The following PPAT variants were observed in gnomAD, a reference collection of about 807,000 sequenced individuals.
PPAT encodes the protein phosphoribosyl pyrophosphate amidotransferase.
Under a neutral mutation model 60.2 loss-of-function variants are expected in PPAT, and 20 were observed. That is an observed-to-expected ratio of 0.33 (90% CI 0.23 to 0.48). The LOEUF (loss-of-function observed/expected upper bound fraction) is 0.48, where lower values mean the gene tolerates loss of function less well. Ranked by LOEUF, PPAT falls within the 20% of genes least tolerant of loss-of-function variation. The pLI, the probability that PPAT is intolerant of heterozygous loss-of-function variation, is 0.99. For missense variants in PPAT, 349 were observed against 629.6 expected (o/e 0.55, Z 4.77); for synonymous variants, 194 against 215.1 (o/e 0.90, Z 0.86).
Position 56,395,232 on chromosome 4 carries a change from A to T in PPAT, c.*120T>A. 1 of 945,514 alleles carries T rather than the reference A, an allele frequency of 1.1e-6. No homozygotes were observed. The allele number at this position is 945,514 out of a possible 1,614,324, so 58.6% of individuals were successfully genotyped here. ...AAAAAAAAAAAATCTCAAAACTTAT[A>T]AACATAAGCATGGCATTTTACATTG... On this transcript the variant is annotated 3_prime_UTR_variant, in exon 11 of 11. Coordinates refer to ENST00000264220, the MANE Select transcript of PPAT (RefSeq NM_002703.5).
rs923372902 is a variant in PPAT at position 56,396,922 on chromosome 4, T to G, written c.1237-183A>C. The G allele has an allele frequency of 2.1e-6, 1 of 474,242 alleles. No individual in the cohort carries two copies. The highest frequency in any genetic ancestry group is 3.5e-6 in the Non-Finnish European group (1 of 284,432). The allele number at this position is 474,242 out of a possible 1,614,324, so 29.4% of individuals were successfully genotyped here. A position where few individuals can be genotyped will look rare whatever the true frequency, so the allele number is the denominator to read the frequency against. ...TCACCTAATCATGAGGAAGTTTCTT[T>G]GTCTAGATATCCTACTTCTCATTTG... On this transcript the variant is annotated intron_variant, in intron 9 of 10. Coordinates refer to ENST00000264220, the MANE Select transcript of PPAT (RefSeq NM_002703.5). The surrounding 1 kb of genome is among the most constrained non-coding windows in gnomAD (Gnocchi z 4.6).
chr4:56,400,720 G>A (rs369230631), intron 8 of PPAT, 64 bp downstream of exon 8: 3 of 1,476,500 alleles, frequency 2.0e-6, no homozygotes, highest in East Asian at 4.8e-5. Flanking sequence ...TCTCTTTATA[G>A]GCAAGGGTTT....
intron 8 of PPAT, chr4:56,399,849 T>C (rs981608860): frequency 2.6e-5 from 4 of 156,522 alleles, no homozygotes; most frequent in African/African-American, 9.6e-5. Flanking sequence ...TAGAAGTTAA[T>C]AAAGTATCCA....
chr4:56,415,200 TACTC>T (rs1716665332), intron 1 of PPAT, among the ~76,000 whole-genome samples: 1 of 152,226 alleles, frequency 6.6e-6, no homozygotes, highest in African/African-American at 2.4e-5. Flanking sequence ...CTACTTTTGT[TACTC>T]AATAAAATAG....
In PPAT at chr4:56,403,392, G is replaced by C. The variant is rs1285685673; in HGVS notation, c.412C>G (p.His138Asp). The C allele has an allele frequency of 1.1e-5, 18 of 1,611,590 alleles. No homozygotes were observed. The highest frequency in any genetic ancestry group is 1.5e-5 in the Non-Finnish European group (18 of 1,178,302). The change falls in exon 4 of 11, where the codon CAT becomes GAT. Residue 138 changes from histidine to aspartate, a missense_variant. His to Asp is a moderately conservative substitution (Grantham distance 81). Transcript: ENST00000264220. ...AARLRKKLLR[H>D]GIGLSTSSDS... ...GAACTTGTAGACAGACCAATACCAT[G>C]ACGCAGAAGCTATATAGAAAAAAAG...
At chr4:56,416,381 G>C in intron 1 of PPAT, 1 of 904,992 alleles carries the variant, frequency 1.1e-6, no homozygotes, top group Non-Finnish European at 1.3e-6. Context: ...AGTAGATAAG[G>C]AAGATGTCTC....
chr4:56,411,156 C>T (rs1433914486), intron 1 of PPAT, among the ~76,000 whole-genome samples: 1 of 152,102 alleles, frequency 6.6e-6, no homozygotes, highest in East Asian at 1.9e-4. Flanking sequence ...ATGGCACTGA[C>T]TGCTAGTGCC....
At chr4:56,409,497 G>A (rs552081025) in intron 1 of PPAT, among the ~76,000 whole-genome samples, 46 of 152,216 alleles carry the variant, frequency 3.0e-4, no homozygotes, top group Middle Eastern at 3.4e-3. Flanking sequence ...ACCCTCTGCT[G>A]ACCAGGCACC....
chr4:56,423,306 T>C (rs551781231), intron 1 of PPAT: 105 of 152,342 alleles, frequency 6.9e-4, no homozygotes, highest in African/African-American at 2.3e-3. Context: ...ATCACAGCTA[T>C]GGCCTTTGTC....
At chr4:56,434,558 C>T (rs1717793564) in intron 1 of PPAT, among the ~76,000 whole-genome samples, 1 of 152,136 alleles carries the variant, frequency 6.6e-6, no homozygotes, top group Non-Finnish European at 1.5e-5. Flanking sequence ...GAAAGGATCT[C>T]CCAATTTTTC....
rs1049518617 is a variant in PPAT at position 56,407,545 on chromosome 4, C to T, written c.195+105G>A. The T allele has an allele frequency of 3.4e-5, 29 of 862,040 alleles. No individual in the cohort carries two copies. The African/African-American group carries it at 4.1e-4, about 12-fold the overall frequency. The allele number at this position is 862,040 out of a possible 1,614,324, so 53.4% of individuals were successfully genotyped here. The stretch of plus-strand genomic sequence containing the variant: ...GTTGGTCAGGCTGGTCTTGAACTCC[C>T]GACCTCAGGTGATCCTCCTGCCTTG... On this transcript the variant is annotated intron_variant, in intron 2 of 10. Coordinates refer to ENST00000264220, the MANE Select transcript of PPAT (RefSeq NM_002703.5).
Position 56,435,339 on chromosome 4 carries a change from C to CTGTT in PPAT, c.128+7_128+10dup. The CTGTT allele has an allele frequency of 6.2e-7, 1 of 1,613,650 alleles. No individual in the cohort carries two copies. Among genetic ancestry groups the CTGTT allele is most frequent in the Non-Finnish European group, 8.5e-7 (1 of 1,179,706 alleles). On this transcript the variant is annotated intron_variant, in intron 1 of 10. Coordinates refer to ENST00000264220, the MANE Select transcript of PPAT (RefSeq NM_002703.5). ...GACGCACGCCCCCGCCACCCCCACCCTGTTGCTCACCGGTGCTGCAGCCCC... is the reference window on the plus strand; with the variant it reads ...GACGCACGCCCCCGCCACCCCCACCCTGTTTGTTGCTCACCGGTGCTGCAGCCCC...
In PPAT at chr4:56,396,726, A is replaced by G. The variant is rs761300467; in HGVS notation, c.1250T>C (p.Val417Ala). 1.2e-6 allele frequency: 2 copies of G among 1,612,230 alleles called. No individual in the cohort carries two copies. The highest frequency in any genetic ancestry group is 1.7e-6 in the Non-Finnish European group (2 of 1,179,076). ...TGGATATTTAATTGGTGGTGAAGCTACTCGAATGTGTACCTTGGAAAGAAA... is the reference window on the plus strand; with the variant it reads ...TGGATATTTAATTGGTGGTGAAGCTGCTCGAATGTGTACCTTGGAAAGAAA... ...ESGAKEVHIRVASPPIKYPCF... is the reference protein window; with the variant it reads ...ESGAKEVHIRAASPPIKYPCF... Residue 417 changes from valine to alanine, a missense_variant, in exon 10 of 11, where the codon GTA (valine) becomes GCA (alanine). Around this residue, in one of 5 missense-constraint regions of PPAT, gnomAD observed 167 missense variants for 328.6 expected, o/e 0.51. Transcript: ENST00000264220. This position sits in a 1 kb window ranked among gnomAD's most constrained non-coding sequence, Gnocchi z 4.6.
intron 1 of PPAT, among the ~76,000 whole-genome samples, chr4:56,432,533 A>G (rs1717643754): frequency 6.6e-6 from 1 of 151,426 alleles, no homozygotes; most frequent in Non-Finnish European, 1.5e-5. Context: ...CTCAAAAAAA[A>G]AAAAAAAAAA....
chr4:56,396,912 G>T lies in PPAT; in HGVS notation c.1237-173C>A. ...TTTTTTTCTTTCACCTAATCATGAG[G>T]AAGTTTCTTTGTCTAGATATCCTAC... On this transcript the variant is annotated intron_variant, in intron 9 of 10. Transcript: ENST00000264220. This position sits in a 1 kb window ranked among gnomAD's most constrained non-coding sequence, Gnocchi z 4.6. 3.8e-6 allele frequency: 2 copies of T among 530,616 alleles called. No homozygotes were observed. The highest frequency in any genetic ancestry group is 6.0e-6 in the Non-Finnish European group (2 of 332,420). 32.9% of individuals were successfully genotyped at this position (530,616 alleles called of 1,614,324 possible). A position where few individuals can be genotyped will look rare whatever the true frequency, so the allele number is the denominator to read the frequency against.
chr4:56,400,752 C>T, intron 8 of PPAT, 32 bp downstream of exon 8: 4 of 1,586,842 alleles, frequency 2.5e-6, no homozygotes, highest in African/African-American at 2.7e-5. Context: ...GCTGGGAGAG[C>T]AATTCACTGC....
rs1207160039 is a variant in PPAT at position 56,417,835 on chromosome 4, G to GTTTTTTTTTTTTTTTT, written c.129-10120_129-10119insAAAAAAAAAAAAAAAA. Among the ~76,000 whole-genome samples, 40 of 102,570 alleles carry GTTTTTTTTTTTTTTTT rather than the reference G, an allele frequency of 3.9e-4. 1 individual carries two copies. Among genetic ancestry groups the GTTTTTTTTTTTTTTTT allele is most frequent in the African/African-American group, 1.3e-3 (38 of 28,752 alleles). The allele number at this position is 102,570 out of a possible 152,430, so 67.3% of individuals were successfully genotyped here. On this transcript the variant is annotated intron_variant, in intron 1 of 10. Transcript: ENST00000264220. ...ATCTTCGGTATAATTTGAAGATTTGGTTTTTTGTTTTTTTTTTTTTTTTTG... is the reference window on the plus strand; with the variant it reads ...ATCTTCGGTATAATTTGAAGATTTGGTTTTTTTTTTTTTTTTTTTTTTGTTTTTTTTTTTTTTTTTG...
chr4:56,397,227 T>C (rs1346776422), intron 9 of PPAT, among the ~76,000 whole-genome samples: 1 of 152,216 alleles, frequency 6.6e-6, no homozygotes, highest in East Asian at 1.9e-4. Context: ...GGCTGCATCA[T>C]ATTTCATCAC....
intron 1 of PPAT, chr4:56,421,486 A>G (rs529247759): frequency 6.6e-6 from 1 of 152,538 alleles, no homozygotes; most frequent in East Asian, 1.9e-4. Context: ...AAAAGGTTGG[A>G]GACCGCTGCT....
Sources: allele counts gnomAD v4.1 joint callset (sites outside exome capture counted in the v4.1 genomes callset), GRCh38; gene constraint gnomAD v4.1.1; regional missense constraint gnomAD v4.1.1; non-coding constraint Gnocchi (gnomAD v3.1); transcripts MANE v1.5; gene names NCBI Gene and HGNC (gene_info 2026-07-23, HGNC 2026-07-21).